IRF2: variants seen among roughly 807,000 people sequenced by gnomAD.
The protein encoded by IRF2 is interferon regulatory factor 2.
A neutral mutation model predicts 40.6 loss-of-function variants in IRF2; 15 were observed. That is an observed-to-expected ratio of 0.37 (90% CI 0.25 to 0.57). The LOEUF (loss-of-function observed/expected upper bound fraction) is 0.57. Ranked by LOEUF, IRF2 falls within the 20% of genes least tolerant of loss-of-function variation. The pLI is 0.77. For missense variants in IRF2, 317 were observed against 455.7 expected, an observed-to-expected ratio of 0.70 and a Z score of 2.77; for synonymous variants, 151 against 165.5, an observed-to-expected ratio of 0.91 and a Z score of 0.67.
chr4:184,410,398 C>A (rs1488948681), intron 5 of IRF2, among the ~76,000 whole-genome samples: 1 of 152,236 alleles, frequency 6.6e-6, no homozygotes, highest in Non-Finnish European at 1.5e-5. Flanking sequence ...GGCCTTTTCT[C>A]AAATCCCTTC....
At position 184,388,704 on chromosome 4, in the gene IRF2, AAAC is replaced by A. The variant is rs1736140883; in HGVS notation, c.*51_*53del. ...AGAGAGAAAAAAATAAAATACAAACAAACAACAAAACAAAGCCAAGAAGCCCCA... is the reference window on the plus strand; with the variant it reads ...AGAGAGAAAAAAATAAAATACAAACAAACAAAACAAAGCCAAGAAGCCCCA... On this transcript the variant is annotated 3_prime_UTR_variant, in exon 9 of 9. Coordinates refer to ENST00000393593, the MANE Select transcript of IRF2 (RefSeq NM_002199.4). This position sits in a 1 kb window ranked among gnomAD's most constrained non-coding sequence, Gnocchi z 4.6. 8.4e-6 allele frequency: 13 copies of A among 1,539,830 alleles called. No individual in the cohort carries two copies. The highest frequency in any genetic ancestry group is 9.6e-6 in the Non-Finnish European group (11 of 1,140,396).
rs756612077 is a variant in IRF2 at position 184,388,850 on chromosome 4, C to T, written c.958G>A (p.Ala320Thr). ...CGGTCTGGCCGACTGCTGCTGGATG[C>T]TGGGGTCATGGAGGAAGAAAGGGGG... ...DLPLSSSMTPASSSSRPDRET... is the reference protein window; with the variant it reads ...DLPLSSSMTPTSSSSRPDRET... Residue 320 changes from alanine (A) to threonine (T), a missense_variant, in exon 9 of 9, where the codon GCA becomes ACA. Coordinates refer to ENST00000393593, the MANE Select transcript of IRF2 (RefSeq NM_002199.4). The surrounding 1 kb of genome is among the most constrained non-coding windows in gnomAD (Gnocchi z 4.6). The T allele has an allele frequency of 3.7e-6, 6 of 1,613,944 alleles. No individual in the cohort carries two copies. In the South Asian group the frequency reaches 5.5e-5, roughly 15 times the overall value.
chr4:184,450,462 G>A (rs1738675063), intron 1 of IRF2, among the ~76,000 whole-genome samples: 1 of 152,140 alleles, frequency 6.6e-6, no homozygotes, highest in East Asian at 1.9e-4. Context: ...GTGAATAATA[G>A]CACTGTTTAG....
At chr4:184,445,411 T>C (rs1469235680) in intron 1 of IRF2, among the ~76,000 whole-genome samples, 2 of 152,080 alleles carry the variant, frequency 1.3e-5, no homozygotes, top group Admixed American at 6.5e-5. Context: ...CCCAGCACTT[T>C]GGGAGGCCAA....
In IRF2 at chr4:184,448,493, G is replaced by T. The variant is rs1738597076; in HGVS notation, c.-6-19423C>A. Among the ~76,000 whole-genome samples the T allele has an allele frequency of 6.6e-6, 1 of 152,168 alleles. No homozygotes were observed. Among genetic ancestry groups the T allele is most frequent in the African/African-American group, 2.4e-5 (1 of 41,430 alleles). On this transcript the variant is annotated intron_variant, in intron 1 of 8. Coordinates refer to ENST00000393593, the MANE Select transcript of IRF2 (RefSeq NM_002199.4). This position sits in a 1 kb window ranked among gnomAD's most constrained non-coding sequence, Gnocchi z 4.3. Reference sequence around the variant, plus strand: ...GAAGAGGAGAAATAAGACGGCCAAAGAGCTCTCGTGCGTATTTGAGAGAAA... The same window carrying T: ...GAAGAGGAGAAATAAGACGGCCAAATAGCTCTCGTGCGTATTTGAGAGAAA...
At chr4:184,402,101 C>T (rs9994437) in intron 6 of IRF2, among the ~76,000 whole-genome samples, 28 of 152,232 alleles carry the variant, frequency 1.8e-4, no homozygotes, top group African/African-American at 5.8e-4. Context: ...GTCAAGGATC[C>T]GGTTTGTAAG....
intron 1 of IRF2, chr4:184,472,467 C>G (rs67252769): frequency 0.13 from 20,287 of 152,072 alleles, 1,414 homozygotes; most frequent in Middle Eastern, 0.19. Context: ...GGCTTGACAG[C>G]AGTCTCGGTG....
At chr4:184,453,488 C>T (rs561353120) in intron 1 of IRF2, among the ~76,000 whole-genome samples, 43 of 152,240 alleles carry the variant, frequency 2.8e-4, no homozygotes, top group Admixed American at 9.8e-4. Flanking sequence ...TTAATCAGCA[C>T]GTCCTCTGAG....
chr4:184,409,201 T>C (rs891989475), intron 5 of IRF2, among the ~76,000 whole-genome samples: 1 of 152,170 alleles, frequency 6.6e-6, no homozygotes, highest in African/African-American at 2.4e-5. Flanking sequence ...AACACAGGAC[T>C]GGAAGCAGAG....
At chr4:184,456,552 G>A (rs1738941415) in intron 1 of IRF2, among the ~76,000 whole-genome samples, 1 of 152,252 alleles carries the variant, frequency 6.6e-6, no homozygotes, top group Non-Finnish European at 1.5e-5. Context: ...ACCTCAGCGA[G>A]GGTCCCTGCC....
At chr4:184,447,745 C>A (rs921856011) in intron 1 of IRF2, among the ~76,000 whole-genome samples, 1 of 152,190 alleles carries the variant, frequency 6.6e-6, no homozygotes, top group Admixed American at 6.5e-5. Flanking sequence ...TAACCAGAAA[C>A]GTCAACAAGC....
chr4:184,411,712 T>A (rs2149897753), intron 5 of IRF2, among the ~76,000 whole-genome samples: 1 of 152,198 alleles, frequency 6.6e-6, no homozygotes, highest in Non-Finnish European at 1.5e-5. Flanking sequence ...ATATTAAAAA[T>A]CCAAGGATCT....
intron 6 of IRF2, among the ~76,000 whole-genome samples, chr4:184,404,313 A>G (rs1228258212): frequency 6.6e-6 from 1 of 152,214 alleles, no homozygotes; most frequent in East Asian, 1.9e-4. Context: ...TTCAGGAGTT[A>G]AACTTCACAC....
intron 2 of IRF2, among the ~76,000 whole-genome samples, chr4:184,426,137 T>G (rs1737665300): frequency 6.6e-6 from 1 of 152,170 alleles, no homozygotes; most frequent in Non-Finnish European, 1.5e-5. Flanking sequence ...TGCCTCAGCC[T>G]CCCAAGTAGC....
At chr4:184,398,443 C>A (rs141302630) in intron 7 of IRF2, among the ~76,000 whole-genome samples, 1 of 151,974 alleles carries the variant, frequency 6.6e-6, no homozygotes, top group Non-Finnish European at 1.5e-5. Flanking sequence ...GATCACCTGA[C>A]GTCAGGAGCT....
In IRF2 at chr4:184,463,496, C is replaced by T. The variant is rs185083474; in HGVS notation, c.-7+10883G>A. ...TATCTCATTAGTATTTTTACATTAA[C>T]GACATACTGAAATATTTTAGATAAA... is the stretch of plus-strand genomic sequence containing the variant. On this transcript the variant is annotated intron_variant, in intron 1 of 8. Coordinates refer to ENST00000393593, the MANE Select transcript of IRF2 (RefSeq NM_002199.4). Among the ~76,000 whole-genome samples the T allele has an allele frequency of 5.1e-3, 780 of 152,164 alleles. 39 individuals are homozygous for T. The highest frequency in any genetic ancestry group is 0.048 in the Admixed American group (740 of 15,296).
chr4:184,402,610 A>G (rs73007005), intron 6 of IRF2, among the ~76,000 whole-genome samples: 188 of 152,200 alleles, frequency 1.2e-3, no homozygotes, highest in African/African-American at 4.4e-3. Flanking sequence ...ATAAATGGAC[A>G]TGTGATGGGG....
At chr4:184,392,854 A>G (rs1736306659) in intron 7 of IRF2, among the ~76,000 whole-genome samples, 2 of 152,126 alleles carry the variant, frequency 1.3e-5, no homozygotes, top group Non-Finnish European at 2.9e-5. Context: ...TGGGCTGGCC[A>G]TGAGCATGCA....
intron 7 of IRF2, among the ~76,000 whole-genome samples, chr4:184,398,689 T>C (rs1450563883): frequency 6.6e-6 from 1 of 151,422 alleles, no homozygotes; most frequent in Non-Finnish European, 1.5e-5. Context: ...AAATAAAAAA[T>C]GTCATGGCCA....
Sources: allele counts gnomAD v4.1 joint callset (sites outside exome capture counted in the v4.1 genomes callset), GRCh38; gene constraint gnomAD v4.1.1; non-coding constraint Gnocchi (gnomAD v3.1); transcripts MANE v1.5; gene names NCBI Gene and HGNC (gene_info 2026-07-23, HGNC 2026-07-21).